The following NLRP5 variants were observed in gnomAD, a reference collection of about 807,000 sequenced individuals.
NLRP5 encodes the protein NLR family pyrin domain containing 5.
NLRP5 carries 93 observed loss-of-function variants against 113.1 expected under a neutral mutation model. That is an observed-to-expected ratio of 0.82 (90% CI 0.70 to 0.98). The LOEUF (loss-of-function observed/expected upper bound fraction) is 0.98, where lower values mean the gene tolerates loss of function less well. Among genes scored for constraint, NLRP5 ranks in the 50% least tolerant of loss-of-function variants. NLRP5 has a pLI of 0.00. For missense variants in NLRP5, 1,808 were observed against 1,514.3 expected (o/e 1.19, Z -3.22); for synonymous variants, 751 against 600.7 (o/e 1.25, Z -3.66).
At chr19:56,003,319 T>C (rs904784823) in intron 1 of NLRP5, among the ~76,000 whole-genome samples, 3 of 152,118 alleles carry the variant, frequency 2.0e-5, no homozygotes, top group Non-Finnish European at 4.4e-5. Context: ...TCCTGGCTAA[T>C]TTTTTTATAT....
chr19:56,007,838 T>C (rs563316932), intron 2 of NLRP5, among the ~76,000 whole-genome samples: 1 of 150,500 alleles, frequency 6.6e-6, no homozygotes, highest in Non-Finnish European at 1.5e-5. Context: ...GAAGTAGAAA[T>C]GGAAGATGCT....
chr19:55,999,593 C>T, upstream of NLRP5: 1 of 714,294 alleles, frequency 1.4e-6, no homozygotes, highest in Non-Finnish European at 2.5e-6. Flanking sequence ...TCTGTGCCAG[C>T]CCTTCCGACC....
At chr19:55,999,897 C>A in intron 1 of NLRP5, 2 of 794,976 alleles carry the variant, frequency 2.5e-6, no homozygotes, top group Admixed American at 3.6e-5. Flanking sequence ...ATGTTATTAG[C>A]AATCCGTTGC....
chr19:56,033,613 G>A lies in NLRP5; in HGVS notation c.2519G>A (p.Arg840Lys). ...ATCGTCATGGCCAACCGTAACCTAAGATCCCTCAACTTGGGAGGCACCCAC... is the reference window on the plus strand; with the variant it reads ...ATCGTCATGGCCAACCGTAACCTAAAATCCCTCAACTTGGGAGGCACCCAC... Residue 840 changes from arginine (R) to lysine (K), a missense_variant, in exon 9 of 15, where the codon AGA becomes AAA. Coordinates refer to ENST00000390649, the MANE Select transcript of NLRP5 (RefSeq NM_153447.4). The A allele has an allele frequency of 6.2e-7, 1 of 1,613,686 alleles. No individual in the cohort carries two copies. Among genetic ancestry groups the A allele is most frequent in the Non-Finnish European group, 8.5e-7 (1 of 1,179,682 alleles).
intron 3 of NLRP5, among the ~76,000 whole-genome samples, chr19:56,012,263 C>T (rs1167776279): frequency 6.6e-6 from 1 of 151,876 alleles, no homozygotes; most frequent in East Asian, 1.9e-4. Flanking sequence ...ATTCTCCTGC[C>T]TCAGCCTCCC....
At chr19:56,005,652 G>A (rs568541176) in intron 2 of NLRP5, among the ~76,000 whole-genome samples, 1 of 150,948 alleles carries the variant, frequency 6.6e-6, no homozygotes. Context: ...ACGCGCGCAG[G>A]TGGCATGCCT....
At position 56,027,715 on chromosome 19, in the gene NLRP5, C is replaced by T. The variant is rs1355458643; in HGVS notation, c.1482C>T (p.Phe494=). The T allele has an allele frequency of 6.2e-7, 1 of 1,613,570 alleles. No homozygotes were observed. The highest frequency in any genetic ancestry group is 8.5e-7 in the Non-Finnish European group (1 of 1,179,882). Reference sequence around the variant, plus strand: ...TGGTGGGGGAGAGCGTCGCCCCCTTCAACCAAACGCTCACAGGCCTGCACG... The same window carrying T: ...TGGTGGGGGAGAGCGTCGCCCCCTTTAACCAAACGCTCACAGGCCTGCACG... The change falls in exon 7 of 15, where the codon TTC becomes TTT. Residue 494 remains phenylalanine, a synonymous_variant. Transcript: ENST00000390649.
rs1003006155 is a variant in NLRP5 at position 56,038,532 on chromosome 19, C to T, written c.2786+337C>T. ...TGGGTTAGTGAATGCTTGGCCCCAC[C>T]ACTGGAGAGGTATACCCACTCAGTC... On this transcript the variant is annotated intron_variant, in intron 10 of 14. Transcript: ENST00000390649. Among the ~76,000 whole-genome samples the T allele has an allele frequency of 4.6e-5, 7 of 152,110 alleles. No homozygotes were observed. The South Asian group carries it at 8.3e-4, about 18-fold the overall frequency.
intron 6 of NLRP5, among the ~76,000 whole-genome samples, chr19:56,023,734 AGG>A (rs1982707357): frequency 1.3e-5 from 2 of 152,202 alleles, no homozygotes; most frequent in South Asian, 4.1e-4. Context: ...ATTTTATATC[AGG>A]GACTTGAGTA....
At chr19:56,013,918 T>C (rs777866521) in intron 3 of NLRP5, among the ~76,000 whole-genome samples, 1 of 152,174 alleles carries the variant, frequency 6.6e-6, no homozygotes, top group Non-Finnish European at 1.5e-5. Flanking sequence ...GTTCAGAATC[T>C]TTTCGTGTGC....
intron 11 of NLRP5, among the ~76,000 whole-genome samples, chr19:56,048,608 T>G (rs1983811534): frequency 6.6e-6 from 1 of 152,204 alleles, no homozygotes; most frequent in Non-Finnish European, 1.5e-5. Flanking sequence ...TAGGTTTTCC[T>G]TCATAGGTTA....
At chr19:56,047,726 A>G (rs1418347579) in intron 11 of NLRP5, among the ~76,000 whole-genome samples, 4 of 152,198 alleles carry the variant, frequency 2.6e-5, no homozygotes, top group Non-Finnish European at 4.4e-5. Flanking sequence ...TGTTCTGTAT[A>G]GATCTGCTAT....
intron 2 of NLRP5, among the ~76,000 whole-genome samples, chr19:56,008,208 G>A (rs926918114): frequency 3.9e-5 from 6 of 152,010 alleles, no homozygotes; most frequent in Admixed American, 6.6e-5. Flanking sequence ...GATTACAGGC[G>A]TGAGCCACCG....
intron 1 of NLRP5, among the ~76,000 whole-genome samples, chr19:56,001,796 A>G (rs1242260420): frequency 1.3e-5 from 2 of 152,232 alleles, no homozygotes; most frequent in Non-Finnish European, 2.9e-5. Flanking sequence ...TCTCACACCA[A>G]TACCGCCCCT....
chr19:55,994,988 A>G (rs1317352388), upstream of NLRP5, among the ~76,000 whole-genome samples: 1 of 152,176 alleles, frequency 6.6e-6, no homozygotes, highest in East Asian at 1.9e-4. Flanking sequence ...AGTACCACCT[A>G]GTGAACACAG....
intron 13 of NLRP5, among the ~76,000 whole-genome samples, chr19:56,055,160 T>C (rs926166414): frequency 2.6e-5 from 4 of 151,868 alleles, no homozygotes; most frequent in African/African-American, 9.7e-5. Context: ...GGCTACTTTT[T>C]TTTGTATGTT....
intron 13 of NLRP5, among the ~76,000 whole-genome samples, chr19:56,056,623 C>T (rs1182342856): frequency 1.3e-5 from 2 of 152,300 alleles, no homozygotes; most frequent in East Asian, 1.9e-4. Context: ...GTTTCCTCCA[C>T]GATGGGAATC....
In NLRP5 at chr19:56,041,094, TGA is replaced by T. The variant is rs1279552387; in HGVS notation, c.2957+4_2957+5del. Reference sequence around the variant, plus strand: ...CCACTGTAGTCTGCAGAGGCTGATGTGAGTCTGGCTTGCTCCCCTGCAAGGAC... The same window carrying T: ...CCACTGTAGTCTGCAGAGGCTGATGTGTCTGGCTTGCTCCCCTGCAAGGAC... On this transcript the variant is annotated splice_donor_region_variant and intron_variant, in intron 11 of 14. Coordinates refer to ENST00000390649, the MANE Select transcript of NLRP5 (RefSeq NM_153447.4). 5 of 1,613,598 alleles carry T rather than the reference TGA, an allele frequency of 3.1e-6. No individual in the cohort carries two copies. The African/African-American group carries it at 6.7e-5, about 21-fold the overall frequency.
intron 11 of NLRP5, among the ~76,000 whole-genome samples, chr19:56,049,654 T>C (rs904922002): frequency 6.6e-6 from 1 of 152,150 alleles, no homozygotes; most frequent in Non-Finnish European, 1.5e-5. Flanking sequence ...GCTGAGACTT[T>C]CCAGACCATT....
Sources: allele counts gnomAD v4.1 joint callset (sites outside exome capture counted in the v4.1 genomes callset), GRCh38; gene constraint gnomAD v4.1.1; transcripts MANE v1.5; gene names NCBI Gene and HGNC (gene_info 2026-07-23, HGNC 2026-07-21).